The following BCL7B variants were observed in gnomAD, a reference collection of about 807,000 sequenced individuals.
BCL7B encodes the protein BAF chromatin remodeling complex subunit BCL7B.
BCL7B carries 11 observed loss-of-function variants against 26.5 expected under a neutral mutation model. That is an observed-to-expected ratio of 0.42 (90% CI 0.26 to 0.69). The LOEUF (loss-of-function observed/expected upper bound fraction) is 0.69. BCL7B is among the 30% of genes least tolerant of loss of function. The pLI, the probability that BCL7B is intolerant of heterozygous loss-of-function variation, is 0.28. For missense variants in BCL7B, 215 were observed against 264.4 expected (o/e 0.81, Z 1.30); for synonymous variants, 111 against 107.9 (o/e 1.03, Z -0.18).
intron 2 of BCL7B, among the ~76,000 whole-genome samples, chr7:73,550,619 A>G (rs1337115548): frequency 6.8e-6 from 1 of 148,088 alleles, no homozygotes; most frequent in Non-Finnish European, 1.5e-5. Flanking sequence ...AGGTTCTGGC[A>G]AAATACTGTA....
intron 2 of BCL7B, among the ~76,000 whole-genome samples, chr7:73,551,510 G>A (rs1398192002): frequency 6.6e-6 from 1 of 151,920 alleles, no homozygotes; most frequent in African/African-American, 2.4e-5. Context: ...CACTATGTTG[G>A]CCAGGCTGGT....
intron 1 of BCL7B, among the ~76,000 whole-genome samples, chr7:73,556,668 C>G (rs1223992893): frequency 6.6e-6 from 1 of 152,190 alleles, no homozygotes; most frequent in Non-Finnish European, 1.5e-5. Context: ...GTAGCCCAGG[C>G]TGGAGTGCCG....
intron 1 of BCL7B, among the ~76,000 whole-genome samples, chr7:73,556,054 G>T (rs1792348987): frequency 6.6e-6 from 1 of 152,058 alleles, no homozygotes; most frequent in Non-Finnish European, 1.5e-5. Flanking sequence ...TAGGGGCGGG[G>T]GGGTCAAAAA....
chr7:73,538,056 A>G, intron 4 of BCL7B, 43 bp from the exon 5 acceptor site: 5 of 1,383,342 alleles, frequency 3.6e-6, no homozygotes, highest in Non-Finnish European at 5.0e-6. Flanking sequence ...GGCTCCCCTG[A>G]GGCCTGGACC....
In BCL7B at chr7:73,557,393, CCGGCCGGT is replaced by C. The variant is rs1317976030; in HGVS notation, c.92+86_92+93del. Reference sequence around the variant, plus strand: ...TCTCCCGCACCCCCCTCCCCCAGCGCCGGCCGGTCGGCTCCCACCTGACCCGCCAGTCC... The same window carrying C: ...TCTCCCGCACCCCCCTCCCCCAGCGCCGGCTCCCACCTGACCCGCCAGTCC... On this transcript the variant is annotated intron_variant, in intron 1 of 5. Coordinates refer to ENST00000223368, the MANE Select transcript of BCL7B (RefSeq NM_001707.4). 6 of 1,185,158 alleles carry C rather than the reference CCGGCCGGT, an allele frequency of 5.1e-6. No homozygotes were observed. The African/African-American group carries it at 9.7e-5, about 19-fold the overall frequency. 73.4% of individuals were successfully genotyped at this position (1,185,158 alleles called of 1,614,324 possible).
chr7:73,553,132 T>TG (rs370682281), intron 1 of BCL7B, among the ~76,000 whole-genome samples: 10,492 of 149,932 alleles, frequency 0.07, 397 homozygotes, highest in African/African-American at 0.099. Flanking sequence ...GGGGTGGGGG[T>TG]GGGGGGTCTC....
intron 4 of BCL7B, chr7:73,538,265 G>A (rs1204382183): frequency 1.7e-5 from 6 of 347,996 alleles, no homozygotes; most frequent in Non-Finnish European, 3.1e-5. Context: ...AGCTCATCTT[G>A]TCATCCTCTA....
At chr7:73,552,408 G>A (rs1207745166) in intron 1 of BCL7B, among the ~76,000 whole-genome samples, 166 bp from the exon 2 acceptor site, 1 of 152,030 alleles carries the variant, frequency 6.6e-6, no homozygotes, top group Admixed American at 6.6e-5. Context: ...AGCACTTTGA[G>A]AGGCTGAGGC....
chr7:73,538,875 T>TA (rs1466386208), intron 4 of BCL7B, among the ~76,000 whole-genome samples: 1 of 143,350 alleles, frequency 7.0e-6, no homozygotes, highest in African/African-American at 2.6e-5. Flanking sequence ...GCAGACAGCA[T>TA]AAATGCTGAA....
chr7:73,543,421 G>T, intron 3 of BCL7B, 127 bp downstream of exon 3: 1 of 803,780 alleles, frequency 1.2e-6, no homozygotes, highest in Non-Finnish European at 2.1e-6. Context: ...CAGGTGATCT[G>T]CCCGCCTCAG....
intron 3 of BCL7B, 133 bp from the exon 4 acceptor site, chr7:73,540,185 C>T (rs1252454315): frequency 8.8e-6 from 8 of 906,812 alleles, no homozygotes; most frequent in African/African-American, 6.7e-5. Flanking sequence ...TCATTGTGCC[C>T]GGCCTACACG....
intron 2 of BCL7B, among the ~76,000 whole-genome samples, chr7:73,546,136 A>AG (rs1170531585): frequency 6.6e-6 from 1 of 151,220 alleles, no homozygotes; most frequent in Non-Finnish European, 1.5e-5. Context: ...CATCTCAAAA[A>AG]AAAAAAAAAA....
At chr7:73,542,722 A>G (rs1554582998) in intron 3 of BCL7B, 1 of 228,760 alleles carries the variant, frequency 4.4e-6, no homozygotes, top group Non-Finnish European at 9.4e-6. Context: ...AGGAGGCAGA[A>G]CATGTCCTAA....
chr7:73,540,487 G>T (rs1187536736), intron 3 of BCL7B: 1 of 170,626 alleles, frequency 5.9e-6, no homozygotes, highest in Admixed American at 5.6e-5. Flanking sequence ...TAGCACCTGG[G>T]AGTTCTGCCT....
intron 2 of BCL7B, chr7:73,543,914 T>C (rs1200220849): frequency 1.3e-5 from 5 of 371,002 alleles, no homozygotes; most frequent in African/African-American, 2.1e-5. Flanking sequence ...CATCCCATAG[T>C]ATCCCTCTCC....
chr7:73,543,642 T>C lies in BCL7B; in HGVS notation c.171A>G (p.Lys57=), dbSNP rs782178370. ...KWVPVTDSKE[K]EKSKSNSSAA... is the part of the protein sequence containing the mutation. ...CTGAACTGTTCGATTTTGACTTTTC[T>C]TTCTAGAAAAGGAAAAAAAGAGGAA... Residue 57 remains lysine (K), a splice_region_variant and synonymous_variant, in exon 3 of 6, where the codon AAA becomes AAG. Coordinates refer to ENST00000223368, the MANE Select transcript of BCL7B (RefSeq NM_001707.4). 6.2e-7 allele frequency: 1 copy of C among 1,613,072 alleles called. No individual in the cohort carries two copies. Among genetic ancestry groups the C allele is most frequent in the East Asian group, 2.2e-5 (1 of 44,820 alleles).
chr7:73,551,980 G>A (rs1583999959), intron 2 of BCL7B, among the ~76,000 whole-genome samples, 187 bp downstream of exon 2: 1 of 151,854 alleles, frequency 6.6e-6, no homozygotes, highest in African/African-American at 2.4e-5. Context: ...TGTAACCCCA[G>A]CTACTTGGGA....
chr7:73,537,474 C>T, intron 5 of BCL7B, 84 bp from the exon 6 acceptor site: 1 of 985,464 alleles, frequency 1.0e-6, no homozygotes, highest in Non-Finnish European at 1.6e-6. Flanking sequence ...ATGGGATGTC[C>T]ACTCTGCTCC....
At chr7:73,539,678 G>A (rs1791680449) in intron 4 of BCL7B, 2 of 588,656 alleles carry the variant, frequency 3.4e-6, no homozygotes, top group Non-Finnish European at 5.8e-6. Context: ...CTTCCACACA[G>A]CCTGGCACGC....
Sources: allele counts gnomAD v4.1 joint callset (sites outside exome capture counted in the v4.1 genomes callset), GRCh38; gene constraint gnomAD v4.1.1; transcripts MANE v1.5; gene names NCBI Gene and HGNC (gene_info 2026-07-23, HGNC 2026-07-21).